The following ZFHX3 variants were observed in gnomAD, a reference collection of about 807,000 sequenced individuals.
ZFHX3 encodes the protein zinc finger homeobox 3, also known as zinc finger homeobox protein 3.
Under a neutral mutation model 279.1 loss-of-function variants are expected in ZFHX3, and 42 were observed. The ratio of observed to expected loss-of-function variants is 0.15; its 90% confidence interval spans 0.12 to 0.19. The LOEUF (loss-of-function observed/expected upper bound fraction) is 0.19. ZFHX3 is among the 10% of genes least tolerant of loss of function. The pLI, the probability that ZFHX3 is intolerant of heterozygous loss-of-function variation, is 1.00. For missense variants in ZFHX3, 4,981 were observed against 4,754.0 expected (o/e 1.05, Z -1.40); for synonymous variants, 2,293 against 1,957.8 (o/e 1.17, Z -4.52).
At chr16:72,834,711 G>C (rs138872876) in intron 4 of ZFHX3, among the ~76,000 whole-genome samples, 11 of 151,916 alleles carry the variant, frequency 7.2e-5, no homozygotes, top group Non-Finnish European at 8.8e-5. Context: ...GCCAAAAATA[G>C]AGGTGGCATC....
At chr16:73,578,117 G>C (rs962319246) in intron 2 of ZFHX3, among the ~76,000 whole-genome samples, 4 of 152,166 alleles carry the variant, frequency 2.6e-5, no homozygotes, top group Non-Finnish European at 5.9e-5. Context: ...AGATTCATAG[G>C]ATGCTGCCAA....
chr16:73,787,814 A>AGTGTGTGTGTGTGT (rs72236616), intron 1 of ZFHX3, among the ~76,000 whole-genome samples: 108 of 138,064 alleles, frequency 7.8e-4, no homozygotes, highest in Non-Finnish European at 1.0e-3. Context: ...GTTTTCTTAA[A>AGTGTGTGTGTGTGT]GTGTGTGTGT....
intron 1 of ZFHX3, among the ~76,000 whole-genome samples, chr16:73,703,851 G>A (rs182759143): frequency 1.2e-4 from 18 of 152,306 alleles, no homozygotes; most frequent in African/African-American, 3.6e-4. Flanking sequence ...GAGTCGTAAC[G>A]AGGCCTGCTG....
chr16:73,439,806 T>C (rs2143533746), intron 3 of ZFHX3, among the ~76,000 whole-genome samples: 1 of 150,014 alleles, frequency 6.7e-6, no homozygotes, highest in African/African-American at 2.5e-5. Flanking sequence ...GTGTGTGGAT[T>C]GCTGAAATTG....
intron 2 of ZFHX3, among the ~76,000 whole-genome samples, chr16:73,656,517 C>A (rs1271136709): frequency 3.3e-5 from 5 of 152,134 alleles, no homozygotes; most frequent in Admixed American, 2.0e-4. Flanking sequence ...GAGAAGAAAT[C>A]AAAGGGAATT....
intron 4 of ZFHX3, among the ~76,000 whole-genome samples, chr16:73,304,037 C>G (rs925220025): frequency 6.6e-6 from 1 of 150,806 alleles, no homozygotes; most frequent in South Asian, 2.1e-4. Context: ...CTCAGGTTAC[C>G]TGCTCTACCC....
At chr16:73,328,318 A>G (rs1331299052) in intron 3 of ZFHX3, among the ~76,000 whole-genome samples, 2 of 152,166 alleles carry the variant, frequency 1.3e-5, no homozygotes, top group African/African-American at 4.8e-5. Context: ...AGATAGGTAA[A>G]TCTGGTCAAT....
chr16:72,821,108 T>A (rs1397957016), intron 5 of ZFHX3, among the ~76,000 whole-genome samples: 1 of 152,214 alleles, frequency 6.6e-6, no homozygotes, highest in African/African-American at 2.4e-5. Context: ...AAAATGTGGG[T>A]GTGTGTCCAG....
chr16:73,006,440 T>C (rs1040748274), intron 1 of ZFHX3, among the ~76,000 whole-genome samples: 4 of 151,932 alleles, frequency 2.6e-5, no homozygotes, highest in Non-Finnish European at 4.4e-5. Context: ...CTGGACAACA[T>C]AGTGAGACCC....
chr16:73,837,377 G>A (rs181696584), intron 1 of ZFHX3, among the ~76,000 whole-genome samples: 110 of 152,318 alleles, frequency 7.2e-4, no homozygotes, highest in African/African-American at 2.6e-3. Flanking sequence ...AACAGGCTGT[G>A]ATCTTCCATC....
chr16:73,169,926 C>T (rs58825868), intron 5 of ZFHX3, among the ~76,000 whole-genome samples: 20,004 of 152,120 alleles, frequency 0.13, 1,396 homozygotes, highest in South Asian at 0.17. Flanking sequence ...ACTCTGTACT[C>T]TTCCTTTGCT....
chr16:73,055,123 C>T (rs1303500804), intron 1 of ZFHX3, among the ~76,000 whole-genome samples: 1 of 149,718 alleles, frequency 6.7e-6, no homozygotes, highest in African/African-American at 2.4e-5. Context: ...CTTTTCTTTT[C>T]TCTCTCTTTT....
Position 72,906,978 on chromosome 16 carries a change from G to A in ZFHX3, c.3217-17016C>T, listed in dbSNP as rs1012562697. Among the ~76,000 whole-genome samples the A allele has an allele frequency of 5.3e-5, 8 of 152,288 alleles. No homozygotes were observed. The South Asian group carries it at 6.2e-4, about 12-fold the overall frequency. ...CATGCTACAAGTTTTTATGTGACGC[G>A]TGCACAGTGGCATGTGGACACAGAC... On this transcript the variant is annotated intron_variant, in intron 3 of 9. Coordinates refer to ENST00000268489, the MANE Select transcript of ZFHX3 (RefSeq NM_006885.4).
chr16:73,682,914 A>C (rs55820674), intron 1 of ZFHX3, among the ~76,000 whole-genome samples: 1 of 47,570 alleles, frequency 2.1e-5, no homozygotes, highest in South Asian at 8.4e-4. Context: ...AAGAGAAAGA[A>C]AGAGAGAAAG....
At chr16:73,194,536 C>T (rs1292230353) in intron 5 of ZFHX3, among the ~76,000 whole-genome samples, 2 of 152,126 alleles carry the variant, frequency 1.3e-5, no homozygotes, top group Non-Finnish European at 2.9e-5. Context: ...CCAGGATCAT[C>T]CAAGTACAGT....
intron 3 of ZFHX3, among the ~76,000 whole-genome samples, chr16:73,352,086 A>G (rs1390706601): frequency 6.6e-6 from 1 of 152,210 alleles, no homozygotes; most frequent in African/African-American, 2.4e-5. Context: ...ACTTCCATTC[A>G]GACTGAGAGA....
intron 4 of ZFHX3, among the ~76,000 whole-genome samples, chr16:72,859,265 T>A (rs974857368): frequency 2.0e-5 from 3 of 152,242 alleles, no homozygotes; most frequent in Non-Finnish European, 4.4e-5. Context: ...ATCCTCTTTC[T>A]TTTCCCCTGT....
chr16:73,226,878 C>T (rs1317295040), intron 5 of ZFHX3, among the ~76,000 whole-genome samples: 1 of 152,198 alleles, frequency 6.6e-6, no homozygotes, highest in Non-Finnish European at 1.5e-5. Context: ...TGACGTATGG[C>T]TTGGCCAATG....
At position 73,038,815 on chromosome 16, in the gene ZFHX3, T is replaced by C. The variant is rs1052040392; in HGVS notation, c.-50+8937A>G. 2.1e-5 allele frequency among the ~76,000 whole-genome samples: 3 copies of C among 143,820 alleles called. No homozygotes were observed. The East Asian group carries it at 6.3e-4, about 30-fold the overall frequency. 94.4% of individuals were successfully genotyped at this position (143,820 alleles called of 152,430 possible). A position where few individuals can be genotyped will look rare whatever the true frequency, so the allele number is the denominator to read the frequency against. ...TTATTATTATTATTATTATTATTAT[T>C]GAGTCGGGATGTCACTCTGTCACCC... On this transcript the variant is annotated intron_variant, in intron 1 of 9. Coordinates refer to ENST00000268489, the MANE Select transcript of ZFHX3 (RefSeq NM_006885.4).
Sources: allele counts gnomAD v4.1 joint callset (sites outside exome capture counted in the v4.1 genomes callset), GRCh38; gene constraint gnomAD v4.1.1; transcripts MANE v1.5; gene names NCBI Gene and HGNC (gene_info 2026-07-23, HGNC 2026-07-21).